Variants in CTNNA2 observed in about 807,000 individuals in gnomAD.
CTNNA2 encodes the protein catenin alpha 2.
Under a neutral mutation model 101.0 loss-of-function variants are expected in CTNNA2, and 42 were observed. The observed-to-expected ratio is 0.42, with a 90% CI of 0.32 to 0.54. The LOEUF is 0.54. Among genes scored for constraint, CTNNA2 ranks in the 20% least tolerant of loss-of-function variants. CTNNA2 has a pLI of 0.14. For synonymous variants in CTNNA2, 450 were observed against 456.4 expected (o/e 0.99, Z 0.18); for missense variants, 871 against 1,223.1 (o/e 0.71, Z 4.29).
intron 4 of CTNNA2, among the ~76,000 whole-genome samples, chr2:79,448,381 G>A (rs1296870359): frequency 6.6e-6 from 1 of 151,928 alleles, no homozygotes; most frequent in African/African-American, 2.4e-5. Context: ...CACATATTAT[G>A]TATGCATTAT....
intron 7 of CTNNA2, among the ~76,000 whole-genome samples, chr2:79,930,356 G>A (rs1417177984): frequency 1.5e-5 from 1 of 67,690 alleles, no homozygotes; most frequent in Non-Finnish European, 3.7e-5. Context: ...AAGAAAGAAA[G>A]AATGAACACG....
intron 1 of CTNNA2, among the ~76,000 whole-genome samples, chr2:79,559,440 C>T (rs1674637704): frequency 6.6e-6 from 1 of 151,932 alleles, no homozygotes; most frequent in Non-Finnish European, 1.5e-5. Context: ...TGAGAAATAA[C>T]AGAGGCCCGG....
chr2:79,673,004 G>A (rs1175133536), intron 2 of CTNNA2, among the ~76,000 whole-genome samples: 3 of 151,800 alleles, frequency 2.0e-5, no homozygotes, highest in South Asian at 2.1e-4. Flanking sequence ...CACAGGGCAC[G>A]GCCTCTGTGC....
intron 2 of CTNNA2, among the ~76,000 whole-genome samples, chr2:79,250,841 C>T (rs1674761999): frequency 6.6e-6 from 1 of 152,184 alleles, no homozygotes. Flanking sequence ...TCTCACTTGG[C>T]TCAACTCACC....
At chr2:80,073,738 A>T (rs940406383) in intron 7 of CTNNA2, among the ~76,000 whole-genome samples, 1 of 127,458 alleles carries the variant, frequency 7.8e-6, no homozygotes, top group African/African-American at 3.3e-5. Context: ...TGTCACACAC[A>T]CACACACACA....
At chr2:80,230,266 T>TG (rs1709123647) in intron 7 of CTNNA2, among the ~76,000 whole-genome samples, 1 of 150,616 alleles carries the variant, frequency 6.6e-6, no homozygotes, top group Non-Finnish European at 1.5e-5. Flanking sequence ...CTTTGTTTTT[T>TG]TTTTTTTTTT....
chr2:79,834,670 A>G (rs1277889709), intron 3 of CTNNA2, among the ~76,000 whole-genome samples: 1 of 152,062 alleles, frequency 6.6e-6, no homozygotes, highest in Non-Finnish European at 1.5e-5. Flanking sequence ...GTGCATGACT[A>G]ATATTTTCAT....
intron 4 of CTNNA2, chr2:79,493,971 A>G (rs993827162): frequency 9.9e-5 from 15 of 152,188 alleles, no homozygotes; most frequent in African/African-American, 3.1e-4. Flanking sequence ...CGAGGTAACA[A>G]TATTTCAGGA....
At chr2:79,521,107 G>GATATATAT (rs59797728) in intron 1 of CTNNA2, among the ~76,000 whole-genome samples, 5 of 105,386 alleles carry the variant, frequency 4.7e-5, no homozygotes, top group African/African-American at 7.2e-5. Flanking sequence ...CAAAGCTGCT[G>GATATATAT]ATATATATAT....
intron 7 of CTNNA2, among the ~76,000 whole-genome samples, chr2:80,157,830 C>T (rs1044524336): frequency 6.6e-5 from 10 of 152,024 alleles, no homozygotes; most frequent in Non-Finnish European, 1.2e-4. Flanking sequence ...TTCAGTTCTG[C>T]AACTGCAAAA....
chr2:79,387,168 T>C (rs983661065), intron 4 of CTNNA2, among the ~76,000 whole-genome samples: 2 of 152,232 alleles, frequency 1.3e-5, no homozygotes, highest in Non-Finnish European at 2.9e-5. Flanking sequence ...TTTAGATTCC[T>C]GGACTAGTGC....
intron 4 of CTNNA2, among the ~76,000 whole-genome samples, chr2:79,376,191 T>G (rs1375122962): frequency 6.6e-6 from 1 of 151,690 alleles, no homozygotes; most frequent in Non-Finnish European, 1.5e-5. Context: ...GCAGCCAGAG[T>G]TAAGGTGCAG....
At chr2:79,322,036 C>T (rs997130659) in intron 3 of CTNNA2, among the ~76,000 whole-genome samples, 3 of 152,158 alleles carry the variant, frequency 2.0e-5, no homozygotes, top group African/African-American at 7.2e-5. Context: ...GTGATCACAT[C>T]ATTGGAGATG....
intron 17 of CTNNA2, among the ~76,000 whole-genome samples, chr2:80,612,587 A>G (rs1327765353): frequency 6.6e-6 from 1 of 151,576 alleles, no homozygotes; most frequent in Non-Finnish European, 1.5e-5. Context: ...GTACAATAAT[A>G]TATATATGGT....
chr2:80,641,396 A>G (rs528317847), intron 18 of CTNNA2, among the ~76,000 whole-genome samples: 3 of 152,286 alleles, frequency 2.0e-5, no homozygotes, highest in South Asian at 2.1e-4. Flanking sequence ...AAGACATACA[A>G]TGTGAAAATT....
chr2:80,342,094 T>C (rs1314183210), intron 7 of CTNNA2, among the ~76,000 whole-genome samples: 2 of 152,086 alleles, frequency 1.3e-5, no homozygotes, highest in Non-Finnish European at 2.9e-5. Flanking sequence ...TTAGTGACTG[T>C]CTATGGCTGG....
intron 5 of CTNNA2, among the ~76,000 whole-genome samples, chr2:79,872,462 T>C (rs946047919): frequency 6.6e-5 from 10 of 152,304 alleles, no homozygotes; most frequent in Middle Eastern, 6.8e-3. Context: ...TTTTCATGAC[T>C]GTTTGGGAGA....
intron 2 of CTNNA2, among the ~76,000 whole-genome samples, chr2:79,204,031 G>T (rs1403075496): frequency 6.6e-6 from 1 of 152,146 alleles, no homozygotes; most frequent in Non-Finnish European, 1.5e-5. Flanking sequence ...TAATAGCCAA[G>T]GGTTAAGACA....
intron 2 of CTNNA2, among the ~76,000 whole-genome samples, chr2:79,224,554 A>T (rs1232072857): frequency 6.6e-6 from 1 of 152,080 alleles, no homozygotes; most frequent in Admixed American, 6.6e-5. Flanking sequence ...TTTACTATGC[A>T]TCTTATTAAC....
Sources: gnomAD v4.1 joint callset for allele counts (sites outside exome capture counted in the v4.1 genomes callset) on GRCh38, gnomAD v4.1.1 for gene constraint, MANE v1.5 for transcripts, NCBI Gene and HGNC (gene_info 2026-07-23, HGNC 2026-07-21) for gene names.